Variants in PDZD9 observed in about 807,000 individuals in gnomAD.
PDZD9 encodes PDZ domain-containing protein 9.
A neutral mutation model predicts 16.3 loss-of-function variants in PDZD9; 13 were observed. The observed-to-expected ratio is 0.80, with a 90% CI of 0.52 to 1.27. The LOEUF is 1.27. Among genes scored for constraint, PDZD9 ranks in the 50% most tolerant of loss-of-function variants. The probability of loss-of-function intolerance (pLI) is 0.00; values close to 1 mark genes in which losing one functional copy is unlikely to be tolerated. For missense variants in PDZD9, 288 were observed against 310.9 expected (o/e 0.93, Z 0.55); for synonymous variants, 120 against 111.0 (o/e 1.08, Z -0.51).
At position 21,983,916 on chromosome 16, in the gene PDZD9, G is replaced by A. The variant is rs1265062697; in HGVS notation, c.*351C>T. 1.8e-5 allele frequency: 3 copies of A among 164,646 alleles called. No individual in the cohort carries two copies. Among genetic ancestry groups the A allele is most frequent in the Non-Finnish European group, 3.9e-5 (3 of 76,890 alleles). 10.2% of individuals were successfully genotyped at this position (164,646 alleles called of 1,614,324 possible). ...AGTACTTGAAGTTTACCAAAAAAAA[G>A]AGAGAAACTAAATATTTAAAGAAAA... On this transcript the variant is annotated 3_prime_UTR_variant, in exon 4 of 4. Coordinates refer to ENST00000424898, the MANE Select transcript of PDZD9 (RefSeq NM_001363519.1).
chr16:21,958,613 G>A, the PDZD9 span: 1 of 1,605,864 alleles, frequency 6.2e-7, no homozygotes, highest in East Asian at 2.2e-5. Flanking sequence ...TGTTAAATAA[G>A]TAATAGAAAA....
the PDZD9 span, chr16:21,958,453 C>T: frequency 1.6e-6 from 2 of 1,219,850 alleles, no homozygotes; most frequent in South Asian, 1.3e-5. Context: ...TAAATCTGCT[C>T]ACAACAGATT....
At chr16:21,965,107 A>G in the PDZD9 span, among the ~76,000 whole-genome samples, 2 of 152,186 alleles carry the variant, frequency 1.3e-5, no homozygotes, top group African/African-American at 4.8e-5. Flanking sequence ...GGACTTCCCA[A>G]AACCCAGGCC....
the PDZD9 span, among the ~76,000 whole-genome samples, chr16:21,974,580 AGTGGAAATTGG>A: frequency 6.6e-6 from 1 of 152,320 alleles, no homozygotes; most frequent in Non-Finnish European, 1.5e-5. Context: ...TGACTAGAGT[AGTGGAAATTGG>A]GTAAAATGTG....
At chr16:21,963,049 C>T in the PDZD9 span, 2 of 909,602 alleles carry the variant, frequency 2.2e-6, no homozygotes, top group Non-Finnish European at 1.5e-6. Context: ...AGTGCAGTGG[C>T]ACGATCTTGG....
At chr16:21,981,931 C>G (rs1037460737), downstream of PDZD9, among the ~76,000 whole-genome samples, 12 of 150,972 alleles carry the variant, frequency 7.9e-5, no homozygotes, top group Non-Finnish European at 1.5e-4. Context: ...ACCTCCGCCT[C>G]CCGGGTTCAC....
In PDZD9 at chr16:21,984,573, T is replaced by C. The variant is rs1898827168; in HGVS notation, c.489A>G (p.Gln163=). The part of the protein sequence containing the change: ...NENVDLDKRL[Q]YYRYPWSTVH... ...CAGTTGACCACGGATATCTATAATA[T>C]TGAAGTCTTTTATCTAAATCTACAT... Residue 163 remains glutamine, a synonymous_variant, in exon 4 of 4, where the codon CAA becomes CAG. Transcript: ENST00000424898. 2 of 1,571,406 alleles carry C rather than the reference T, an allele frequency of 1.3e-6. No individual in the cohort carries two copies. Among genetic ancestry groups the C allele is most frequent in the Admixed American group, 1.8e-5 (1 of 55,440 alleles).
At chr16:21,980,443 A>G (rs185152753), downstream of PDZD9, 98 of 1,209,476 alleles carry the variant, frequency 8.1e-5, 1 homozygote, top group Admixed American at 5.9e-4. Context: ...CTGTTACTCT[A>G]TCCATTAAAT....
intron 2 of PDZD9, 120 bp from the exon 3 acceptor site, chr16:21,988,911 C>A: frequency 3.6e-5 from 23 of 642,720 alleles, no homozygotes; most frequent in South Asian, 8.7e-5. Flanking sequence ...CTTTTTGAAC[C>A]AAAACCAGGC....
chr16:21,979,458 C>T (rs1341182833), downstream of PDZD9, among the ~76,000 whole-genome samples: 1 of 152,148 alleles, frequency 6.6e-6, no homozygotes, highest in Non-Finnish European at 1.5e-5. Context: ...TAGCCTACTA[C>T]ACACATGGGC....
intron 2 of PDZD9, chr16:21,995,166 T>G (rs1352613164): frequency 4.4e-6 from 2 of 450,360 alleles, no homozygotes; most frequent in East Asian, 7.1e-5. Flanking sequence ...TCTTATGAGA[T>G]CTGGTTGTTT....
chr16:21,960,111 C>A, the PDZD9 span, among the ~76,000 whole-genome samples: 2 of 152,184 alleles, frequency 1.3e-5, no homozygotes, highest in East Asian at 3.8e-4. Context: ...AGCTTTGACG[C>A]CAGGCATTGA....
intron 2 of PDZD9, among the ~76,000 whole-genome samples, chr16:21,993,012 C>G (rs981234331): frequency 6.6e-6 from 1 of 152,088 alleles, no homozygotes; most frequent in African/African-American, 2.4e-5. Context: ...TCCCTCCTGC[C>G]GCCTTGTGAA....
intron 1 of PDZD9, among the ~76,000 whole-genome samples, chr16:21,998,016 C>CGA (rs1332226356): frequency 1.3e-5 from 2 of 152,154 alleles, no homozygotes; most frequent in African/African-American, 4.8e-5. Context: ...TCCAACCTCA[C>CGA]CTTCCCCCAA....
At chr16:21,966,426 G>A in the PDZD9 span, among the ~76,000 whole-genome samples, 2 of 152,106 alleles carry the variant, frequency 1.3e-5, no homozygotes, top group African/African-American at 4.8e-5. Context: ...GTAGATATGT[G>A]CGTATAATCT....
At chr16:21,997,576 G>A (rs1899182050) in intron 1 of PDZD9, among the ~76,000 whole-genome samples, 1 of 152,208 alleles carries the variant, frequency 6.6e-6, no homozygotes, top group Admixed American at 6.5e-5. Flanking sequence ...TGTCATGGCA[G>A]TGACAGCGGA....
chr16:21,965,381 C>T, the PDZD9 span: 2 of 1,601,850 alleles, frequency 1.2e-6, no homozygotes, highest in Non-Finnish European at 1.7e-6. Flanking sequence ...GTGCATTTCC[C>T]TAAATGCTTC....
chr16:21,965,627 G>T, the PDZD9 span: 1 of 781,434 alleles, frequency 1.3e-6, no homozygotes, highest in Non-Finnish European at 1.8e-6. Context: ...CAGCGTGCTA[G>T]CTTTTTCATC....
the PDZD9 span, chr16:21,965,601 C>T: frequency 9.4e-7 from 1 of 1,060,772 alleles, no homozygotes; most frequent in South Asian, 2.0e-5. Context: ...CTTTTATCTT[C>T]TAACTTTAAG....
Sources: gnomAD v4.1 joint callset for allele counts (sites outside exome capture counted in the v4.1 genomes callset) on GRCh38, gnomAD v4.1.1 for gene constraint, MANE v1.5 for transcripts, NCBI Gene and HGNC (gene_info 2026-07-23, HGNC 2026-07-21) for gene names.